Variants in MYO5A observed in about 807,000 individuals in gnomAD.
MYO5A encodes myosin VA, also known as unconventional myosin-Va.
Under a neutral mutation model 249.7 loss-of-function variants are expected in MYO5A, and 98 were observed. That is an observed-to-expected ratio of 0.39 (90% CI 0.33 to 0.46). The LOEUF (loss-of-function observed/expected upper bound fraction) is 0.46. Among genes scored for constraint, MYO5A ranks in the 20% least tolerant of loss-of-function variants. MYO5A has a pLI of 0.98. For synonymous variants in MYO5A, 778 were observed against 810.6 expected (o/e 0.96, Z 0.68); for missense variants, 1,696 against 2,308.8 (o/e 0.73, Z 5.44).
At chr15:52,418,575 T>G (rs926596298) in intron 4 of MYO5A, among the ~76,000 whole-genome samples, 96 of 152,012 alleles carry the variant, frequency 6.3e-4, no homozygotes, top group African/African-American at 2.3e-3. Flanking sequence ...CCAGAGAAGG[T>G]AATACCAGAA....
At chr15:52,458,817 A>C (rs148933538) in intron 1 of MYO5A, among the ~76,000 whole-genome samples, 499 of 152,248 alleles carry the variant, frequency 3.3e-3, no homozygotes, top group Non-Finnish European at 6.1e-3. Flanking sequence ...TTCATAAATT[A>C]ATTTTTCAAA....
At chr15:52,506,237 C>T (rs2646033) in intron 1 of MYO5A, among the ~76,000 whole-genome samples, 4 of 152,104 alleles carry the variant, frequency 2.6e-5, no homozygotes, top group Non-Finnish European at 4.4e-5. Context: ...TGTAGTCCCA[C>T]CTACTTGGGA....
At chr15:52,349,980 G>A (rs1042984450) in intron 28 of MYO5A, among the ~76,000 whole-genome samples, 23 of 152,168 alleles carry the variant, frequency 1.5e-4, no homozygotes, top group East Asian at 1.9e-4. Flanking sequence ...TCGCCCAGGC[G>A]GGAGCGCAGT....
At chr15:52,387,121 C>A (rs1189531151) in intron 14 of MYO5A, among the ~76,000 whole-genome samples, 1 of 152,184 alleles carries the variant, frequency 6.6e-6, no homozygotes, top group Non-Finnish European at 1.5e-5. Context: ...TCCTGCTCTG[C>A]TCTCTGTGGG....
intron 5 of MYO5A, among the ~76,000 whole-genome samples, chr15:52,411,054 C>A (rs913531970): frequency 6.6e-6 from 1 of 152,176 alleles, no homozygotes; most frequent in African/African-American, 2.4e-5. Flanking sequence ...TTTCATAAAA[C>A]CTTTTGGGTT....
chr15:52,514,107 T>C (rs2077451077), intron 1 of MYO5A, among the ~76,000 whole-genome samples: 1 of 152,178 alleles, frequency 6.6e-6, no homozygotes, highest in African/African-American at 2.4e-5. Context: ...ATCCAAAAAA[T>C]ACAAAGAAGA....
At chr15:52,397,552 A>G in intron 9 of MYO5A, 86 bp from the exon 10 acceptor site, 1 of 1,475,780 alleles carries the variant, frequency 6.8e-7, no homozygotes, top group Non-Finnish European at 9.5e-7. Flanking sequence ...GTTAACAAAT[A>G]AAATTCAGCA....
intron 34 of MYO5A, among the ~76,000 whole-genome samples, chr15:52,336,009 T>C (rs931456290): frequency 6.6e-6 from 1 of 152,286 alleles, no homozygotes; most frequent in Admixed American, 6.5e-5. Context: ...TAATAGCTCA[T>C]TCAATCCTTA....
At chr15:52,504,316 A>G (rs2077220957) in intron 1 of MYO5A, among the ~76,000 whole-genome samples, 1 of 152,132 alleles carries the variant, frequency 6.6e-6, no homozygotes, top group Non-Finnish European at 1.5e-5. Context: ...TGGGGAAGAT[A>G]ACACTTTAAA....
At chr15:52,508,549 A>G (rs188308057) in intron 1 of MYO5A, among the ~76,000 whole-genome samples, 1 of 152,284 alleles carries the variant, frequency 6.6e-6, no homozygotes, top group East Asian at 1.9e-4. Context: ...TGCTACCTCC[A>G]TAGCACACTG....
intron 34 of MYO5A, among the ~76,000 whole-genome samples, chr15:52,335,852 TAAG>T (rs2039094396): frequency 6.6e-6 from 1 of 152,356 alleles, no homozygotes; most frequent in South Asian, 2.1e-4. Flanking sequence ...TCCCTAATAC[TAAG>T]AATAATGATA....
At chr15:52,500,672 G>A (rs866266446) in intron 1 of MYO5A, among the ~76,000 whole-genome samples, 42 of 152,182 alleles carry the variant, frequency 2.8e-4, no homozygotes, top group African/African-American at 9.6e-4. Flanking sequence ...TCAACAGGGA[G>A]TTTAATAGGG....
intron 38 of MYO5A, among the ~76,000 whole-genome samples, chr15:52,320,403 T>C (rs1374769231): frequency 6.6e-6 from 1 of 152,176 alleles, no homozygotes; most frequent in African/African-American, 2.4e-5. Flanking sequence ...TGGGGCTTCT[T>C]TGAGGCGAAC....
At chr15:52,523,176 A>G (rs765067389) in intron 1 of MYO5A, among the ~76,000 whole-genome samples, 6 of 152,138 alleles carry the variant, frequency 3.9e-5, no homozygotes, top group Non-Finnish European at 7.3e-5. Flanking sequence ...TCCATCTCGG[A>G]GAGACCTGTC....
chr15:52,356,018 T>C (rs1048251601), intron 25 of MYO5A, among the ~76,000 whole-genome samples: 5 of 152,166 alleles, frequency 3.3e-5, no homozygotes, highest in African/African-American at 1.2e-4. Flanking sequence ...ACCATCATAA[T>C]GGAAGTTGTG....
chr15:52,429,247 T>C (rs564087734), intron 2 of MYO5A, among the ~76,000 whole-genome samples: 1 of 152,352 alleles, frequency 6.6e-6, no homozygotes, highest in Admixed American at 6.5e-5. Context: ...TTTCTGTGCA[T>C]ATGCTTATTC....
chr15:52,468,686 A>G (rs1220878010), intron 1 of MYO5A, among the ~76,000 whole-genome samples: 4 of 152,172 alleles, frequency 2.6e-5, no homozygotes, highest in Non-Finnish European at 5.9e-5. Flanking sequence ...ACATAATAAC[A>G]AAATATTTAA....
intron 1 of MYO5A, among the ~76,000 whole-genome samples, chr15:52,446,203 G>T (rs1021958363): frequency 2.0e-5 from 3 of 152,238 alleles, no homozygotes; most frequent in African/African-American, 7.2e-5. Flanking sequence ...TAGAGGGCCA[G>T]GCCTAGGGCC....
At chr15:52,461,340 AT>A (rs1567148316) in intron 1 of MYO5A, among the ~76,000 whole-genome samples, 1 of 152,174 alleles carries the variant, frequency 6.6e-6, no homozygotes, top group Non-Finnish European at 1.5e-5. Context: ...TGTTTTTGCA[AT>A]TTTTTACAGC....
Sources: gnomAD v4.1 joint callset for allele counts (sites outside exome capture counted in the v4.1 genomes callset) on GRCh38, gnomAD v4.1.1 for gene constraint, MANE v1.5 for transcripts, NCBI Gene and HGNC (gene_info 2026-07-23, HGNC 2026-07-21) for gene names.